PDE10A: variants seen among roughly 807,000 people sequenced by gnomAD.
PDE10A encodes cAMP and cAMP-inhibited cGMP 3',5'-cyclic phosphodiesterase 10A.
Under a neutral mutation model 97.7 loss-of-function variants are expected in PDE10A, and 39 were observed. The ratio of observed to expected loss-of-function variants is 0.40; its 90% CI spans 0.31 to 0.52. PDE10A has a LOEUF of 0.52. Among genes scored for constraint, PDE10A ranks in the 20% least tolerant of loss-of-function variants. The pLI, the probability that PDE10A is intolerant of heterozygous loss-of-function variation, is 0.56. For missense variants in PDE10A, 731 were observed against 1,047.8 expected, an observed-to-expected ratio of 0.70 and a Z score of 4.17; for synonymous variants, 371 against 376.8, an observed-to-expected ratio of 0.98 and a Z score of 0.18.
At chr6:165,660,149 A>C (rs1790167205) in intron 1 of PDE10A, 1 of 152,372 alleles carries the variant, frequency 6.6e-6, no homozygotes, top group Non-Finnish European at 1.5e-5. Context: ...CCAGTCCTAG[A>C]CCAGGCCTAT....
chr6:165,418,789 T>A lies in PDE10A; in HGVS notation c.1654-12A>T. 6.2e-7 allele frequency: 1 copy of A among 1,609,270 alleles called. No individual in the cohort carries two copies. Among genetic ancestry groups the A allele is most frequent in the Middle Eastern group, 1.7e-4 (1 of 6,054 alleles). On this transcript the variant is annotated splice_polypyrimidine_tract_variant and intron_variant, in intron 10 of 21. Coordinates refer to ENST00000539869, the MANE Select transcript of PDE10A (RefSeq NM_001385079.1). This position sits in a 1 kb window ranked among gnomAD's most constrained non-coding sequence, Gnocchi z 4.8. ...TTTTTTGCATATATCTAAAGACAAA[T>A]GACAAAATAAGAGGAAGACAATGAG...
At chr6:165,376,838 G>C (rs1784632550) in intron 18 of PDE10A, among the ~76,000 whole-genome samples, 1 of 152,142 alleles carries the variant, frequency 6.6e-6, no homozygotes, top group South Asian at 2.1e-4. Flanking sequence ...AGGATCCCTG[G>C]CGCCCAGGAG....
At chr6:165,368,542 A>G (rs543108068) in intron 18 of PDE10A, among the ~76,000 whole-genome samples, 1 of 152,356 alleles carries the variant, frequency 6.6e-6, no homozygotes, top group African/African-American at 2.4e-5. Context: ...GAAAATTTAA[A>G]AAGGGTATAA....
intron 1 of PDE10A, among the ~76,000 whole-genome samples, chr6:165,563,563 A>G (rs1349235458): frequency 6.6e-6 from 1 of 152,146 alleles, no homozygotes; most frequent in Non-Finnish European, 1.5e-5. Flanking sequence ...AATTAAACAT[A>G]ATATATGCAA....
intron 17 of PDE10A, among the ~76,000 whole-genome samples, chr6:165,387,288 T>C (rs1334546228): frequency 6.6e-6 from 1 of 152,202 alleles, no homozygotes; most frequent in Non-Finnish European, 1.5e-5. Flanking sequence ...AGTAAGTTCA[T>C]CATTTACCTT....
chr6:165,879,184 T>G (rs1317792873), intron 1 of PDE10A, among the ~76,000 whole-genome samples: 1 of 152,212 alleles, frequency 6.6e-6, no homozygotes, highest in South Asian at 2.1e-4. Flanking sequence ...ATAATTTGAC[T>G]CATTCAGACA....
At chr6:165,653,917 A>C (rs1461966886) in intron 1 of PDE10A, among the ~76,000 whole-genome samples, 3 of 151,426 alleles carry the variant, frequency 2.0e-5, no homozygotes, top group Non-Finnish European at 4.4e-5. Flanking sequence ...AGATCCTCCT[A>C]CTCTACGAGC....
intron 1 of PDE10A, among the ~76,000 whole-genome samples, chr6:165,683,209 C>A (rs79835317): frequency 0.016 from 2,457 of 152,270 alleles, 34 homozygotes; most frequent in South Asian, 0.048. Flanking sequence ...CTGTGCAGCG[C>A]TCTCCAGTGA....
intron 1 of PDE10A, among the ~76,000 whole-genome samples, chr6:165,717,759 A>G (rs1256244122): frequency 2.6e-5 from 4 of 152,178 alleles, no homozygotes; most frequent in Non-Finnish European, 5.9e-5. Context: ...GCAATGCACA[A>G]GGGTTCCAGT....
chr6:165,525,380 T>C (rs1003959924), intron 2 of PDE10A, among the ~76,000 whole-genome samples: 5 of 152,136 alleles, frequency 3.3e-5, no homozygotes, highest in South Asian at 2.1e-4. Flanking sequence ...TAACAGTTTA[T>C]ATGTTTGGTT....
At chr6:165,766,075 G>C (rs1301955810) in intron 1 of PDE10A, among the ~76,000 whole-genome samples, 1 of 152,156 alleles carries the variant, frequency 6.6e-6, no homozygotes, top group Non-Finnish European at 1.5e-5. Flanking sequence ...AGGCCTCTTA[G>C]TTCCTAACTC....
At chr6:165,576,948 T>C (rs904485234) in intron 1 of PDE10A, among the ~76,000 whole-genome samples, 1 of 152,226 alleles carries the variant, frequency 6.6e-6, no homozygotes, top group Non-Finnish European at 1.5e-5. Context: ...CTGAAAGTCA[T>C]TAGTTTAGCT....
At chr6:165,551,838 C>G (rs1784031479) in intron 1 of PDE10A, among the ~76,000 whole-genome samples, 1 of 152,174 alleles carries the variant, frequency 6.6e-6, no homozygotes, top group African/African-American at 2.4e-5. Flanking sequence ...ATCTTTGTAG[C>G]AGAAGCCCCC....
intron 1 of PDE10A, among the ~76,000 whole-genome samples, chr6:165,881,504 T>A (rs1278052778): frequency 1.3e-5 from 2 of 150,402 alleles, no homozygotes; most frequent in Non-Finnish European, 3.0e-5. Context: ...CAGGTGATTC[T>A]CCTGCCTCAG....
chr6:165,496,407 A>G (rs1314442548), intron 2 of PDE10A, among the ~76,000 whole-genome samples: 1 of 152,216 alleles, frequency 6.6e-6, no homozygotes, highest in East Asian at 1.9e-4. Context: ...TCTCAGCTTC[A>G]CTTACCAACC....
At chr6:165,730,105 T>A (rs12111120) in intron 1 of PDE10A, among the ~76,000 whole-genome samples, 1,877 of 151,206 alleles carry the variant, frequency 0.012, 40 homozygotes, top group African/African-American at 0.044. Context: ...GATATACAAG[T>A]GACATATTTC....
chr6:165,845,724 C>T (rs920787789), intron 1 of PDE10A, among the ~76,000 whole-genome samples: 5 of 152,182 alleles, frequency 3.3e-5, no homozygotes, highest in Admixed American at 2.6e-4. Flanking sequence ...ATCAACTGAA[C>T]ATAGGAAACA....
chr6:165,397,105 A>T (rs755547754), intron 13 of PDE10A, among the ~76,000 whole-genome samples: 11 of 152,304 alleles, frequency 7.2e-5, no homozygotes, highest in Non-Finnish European at 1.3e-4. Context: ...TCGAAAATGG[A>T]TAGGTACATT....
intron 1 of PDE10A, among the ~76,000 whole-genome samples, chr6:165,594,787 T>C (rs1345114337): frequency 6.6e-6 from 1 of 152,190 alleles, no homozygotes; most frequent in Non-Finnish European, 1.5e-5. Context: ...CATCTGAACC[T>C]AGTGAGCAAA....
Sources: allele counts gnomAD v4.1 joint callset (sites outside exome capture counted in the v4.1 genomes callset), GRCh38; gene constraint gnomAD v4.1.1; non-coding constraint Gnocchi (gnomAD v3.1); transcripts MANE v1.5; gene names NCBI Gene and HGNC (gene_info 2026-07-23, HGNC 2026-07-21).